Variants in HSP90AA1 observed in about 807,000 individuals in gnomAD.
The protein encoded by HSP90AA1 is heat shock protein HSP 90-alpha.
In HSP90AA1, 18 loss-of-function variants were observed where a neutral mutation model predicts 73.3. That is an observed-to-expected ratio of 0.25 (90% CI 0.17 to 0.36). The LOEUF is 0.36. HSP90AA1 is among the 10% of genes least tolerant of loss of function. HSP90AA1 has a pLI of 1.00. For missense variants in HSP90AA1, 704 were observed against 874.2 expected (o/e 0.81, Z 2.45); for synonymous variants, 477 against 296.9 (o/e 1.61, Z -6.24).
At chr14:102,106,653 C>G (rs2049572467) in intron 1 of HSP90AA1, among the ~76,000 whole-genome samples, 1 of 151,416 alleles carries the variant, frequency 6.6e-6, no homozygotes, top group Non-Finnish European at 1.5e-5. Flanking sequence ...AAGCGATTCT[C>G]CTCCCTCAGC....
upstream of HSP90AA1, among the ~76,000 whole-genome samples, chr14:102,090,731 G>A (rs747883015): frequency 6.6e-5 from 10 of 152,226 alleles, no homozygotes; most frequent in South Asian, 2.1e-4. Context: ...GATTAGAGGC[G>A]TGAGCCACAG....
intron 1 of HSP90AA1, among the ~76,000 whole-genome samples, chr14:102,132,205 A>C (rs1051195956): frequency 6.6e-6 from 1 of 152,114 alleles, no homozygotes; most frequent in African/African-American, 2.4e-5. Flanking sequence ...CATCTCTACT[A>C]AAAATACAAA....
chr14:102,107,166 C>T (rs1202782520), intron 1 of HSP90AA1, among the ~76,000 whole-genome samples: 1 of 151,938 alleles, frequency 6.6e-6, no homozygotes, highest in African/African-American at 2.4e-5. Context: ...CTCCTCATAT[C>T]CTGAGCCCTT....
chr14:102,090,210 T>C (rs2049335573), upstream of HSP90AA1, among the ~76,000 whole-genome samples: 1 of 152,050 alleles, frequency 6.6e-6, no homozygotes, highest in Non-Finnish European at 1.5e-5. Flanking sequence ...ATTCCCTCTG[T>C]TCTTCTCTAA....
At chr14:102,081,886 C>CT in intron 10 of HSP90AA1, 65 bp from the exon 11 acceptor site, 1 of 862,666 alleles carries the variant, frequency 1.2e-6, no homozygotes, top group East Asian at 2.4e-5. Context: ...GGGTAATACT[C>CT]TTGGTTTCTA....
rs190621788 is a variant in HSP90AA1, at chr14:102,083,835, C to A, written c.1296G>T (p.Glu432Asp). Reference sequence around the variant, plus strand: ...ACTGCTCATAGAATTTCTTGTAGTTCTCTTTATCTTCCGCCAGTTCAGTAA... The same window carrying A: ...ACTGCTCATAGAATTTCTTGTAGTTATCTTTATCTTCCGCCAGTTCAGTAA... The part of the protein sequence containing the change: ...ELFTELAEDK[E>D]NYKKFYEQFS... The change falls in exon 7 of 11, where the codon GAG becomes GAT. Residue 432 changes from glutamate (E) to aspartate (D), a missense_variant. Physicochemically the swap from Glu to Asp is conservative, Grantham distance 45. Coordinates refer to ENST00000216281, the MANE Select transcript of HSP90AA1 (RefSeq NM_005348.4). The A allele has an allele frequency of 1.1e-4, 170 of 1,613,156 alleles. 1 individual carries two copies. In the Admixed American group the frequency reaches 2.8e-3, roughly 27 times the overall value.
chr14:102,105,064 C>T (rs1356267120), intron 1 of HSP90AA1, among the ~76,000 whole-genome samples: 2 of 149,902 alleles, frequency 1.3e-5, no homozygotes, highest in African/African-American at 2.5e-5. Context: ...AAAATTCAGC[C>T]GTGTGTGATG....
At chr14:102,101,593 C>G (rs1228261649) in intron 2 of HSP90AA1, among the ~76,000 whole-genome samples, 1 of 152,238 alleles carries the variant, frequency 6.6e-6, no homozygotes, top group African/African-American at 2.4e-5. Context: ...TTGTCTTTCT[C>G]TTTTCTCCCA....
intron 1 of HSP90AA1, among the ~76,000 whole-genome samples, chr14:102,106,579 C>T (rs1231727511): frequency 8.7e-5 from 11 of 125,798 alleles, no homozygotes; most frequent in African/African-American, 3.4e-4. Context: ...GAGTCTCTCT[C>T]TGTCGCCCGG....
chr14:102,110,021 C>T (rs2049618286), intron 1 of HSP90AA1, among the ~76,000 whole-genome samples: 1 of 152,090 alleles, frequency 6.6e-6, no homozygotes, highest in Non-Finnish European at 1.5e-5. Context: ...GCAAATTCCG[C>T]CTCCTGGGTT....
chr14:102,132,417 C>A (rs2049918728), intron 1 of HSP90AA1, among the ~76,000 whole-genome samples: 1 of 152,040 alleles, frequency 6.6e-6, no homozygotes, highest in Non-Finnish European at 1.5e-5. Flanking sequence ...CATGGTGGTA[C>A]GTTCCTGTAG....
intron 1 of HSP90AA1, among the ~76,000 whole-genome samples, chr14:102,135,872 C>T (rs751470604): frequency 6.6e-6 from 1 of 152,254 alleles, no homozygotes; most frequent in East Asian, 1.9e-4. Context: ...CACGCAGCCC[C>T]GGTTCCCGCT....
At chr14:102,115,902 C>T (rs1380917121) in intron 1 of HSP90AA1, among the ~76,000 whole-genome samples, 1 of 152,028 alleles carries the variant, frequency 6.6e-6, no homozygotes, top group Admixed American at 6.6e-5. Flanking sequence ...GCCACTGAGC[C>T]CAGCTTAACT....
intron 1 of HSP90AA1, among the ~76,000 whole-genome samples, chr14:102,136,942 G>A (rs1419722332): frequency 2.6e-5 from 4 of 151,628 alleles, no homozygotes; most frequent in African/African-American, 7.3e-5. Context: ...GGCCGGGCGC[G>A]GTGGCTCACG....
At chr14:102,138,994 C>T (rs1425896121) in intron 1 of HSP90AA1, among the ~76,000 whole-genome samples, 1 of 152,154 alleles carries the variant, frequency 6.6e-6, no homozygotes, top group Non-Finnish European at 1.5e-5. Context: ...ATTAAGAGCT[C>T]TTCGTAACCT....
intron 1 of HSP90AA1, among the ~76,000 whole-genome samples, chr14:102,137,981 C>T (rs1177847623): frequency 1.3e-5 from 2 of 151,014 alleles, no homozygotes; most frequent in African/African-American, 4.9e-5. Context: ...CACCACTGCA[C>T]TCCAGCATGG....
upstream of HSP90AA1, among the ~76,000 whole-genome samples, chr14:102,090,098 C>A (rs1160154517): frequency 6.6e-6 from 1 of 152,236 alleles, no homozygotes; most frequent in Admixed American, 6.5e-5. Flanking sequence ...CCTCCCCATA[C>A]AGCGCCAGTT....
At chr14:102,110,226 C>T (rs762744252) in intron 1 of HSP90AA1, among the ~76,000 whole-genome samples, 42 of 152,134 alleles carry the variant, frequency 2.8e-4, no homozygotes, top group Non-Finnish European at 8.8e-5. Flanking sequence ...AGCCACCGCA[C>T]CCGGCTGACT....
intron 1 of HSP90AA1, among the ~76,000 whole-genome samples, chr14:102,120,768 C>T (rs1447837313): frequency 6.6e-6 from 1 of 151,682 alleles, no homozygotes; most frequent in Non-Finnish European, 1.5e-5. Flanking sequence ...CATGGTGAAA[C>T]CCTATCTCTA....
Sources: gnomAD v4.1 joint callset for allele counts (sites outside exome capture counted in the v4.1 genomes callset) on GRCh38, gnomAD v4.1.1 for gene constraint, MANE v1.5 for transcripts, NCBI Gene and HGNC (gene_info 2026-07-23, HGNC 2026-07-21) for gene names.